C3orf49: variants seen among roughly 807,000 people sequenced by gnomAD.
The protein encoded by C3orf49 is putative uncharacterized protein C3orf49.
Under a neutral mutation model 13.3 loss-of-function variants are expected in C3orf49, and 27 were observed. The observed-to-expected ratio is 2.02, with a 90% CI of 1.49 to 2.79. The LOEUF is 2.79. Among genes scored for constraint, C3orf49 ranks in the 30% most tolerant of loss-of-function variants. The pLI is 0.00. For synonymous variants in C3orf49, 87 were observed against 47.6 expected (o/e 1.83, Z -3.40); for missense variants, 242 against 134.2 (o/e 1.80, Z -3.97).
chr3:63,812,345 T>C, the C3orf49 span, among the ~76,000 whole-genome samples: 1 of 152,202 alleles, frequency 6.6e-6, no homozygotes, highest in East Asian at 1.9e-4. Flanking sequence ...TGAATTTGTG[T>C]TGGACCACAT....
chr3:63,844,888 C>A (rs535639795), intron 5 of C3orf49, 135 bp from the exon 6 acceptor site: 31 of 511,080 alleles, frequency 6.1e-5, no homozygotes, highest in Non-Finnish European at 9.1e-5. Flanking sequence ...CAGAGTAAGA[C>A]GGAAAATTGT....
the C3orf49 span, among the ~76,000 whole-genome samples, chr3:63,807,203 G>A: frequency 6.6e-6 from 1 of 152,036 alleles, no homozygotes; most frequent in Non-Finnish European, 1.5e-5. Context: ...CACCTGCCTC[G>A]GCCTCCCAAA....
upstream of C3orf49, among the ~76,000 whole-genome samples, chr3:63,815,230 T>A (rs1701310540): frequency 6.6e-6 from 1 of 152,172 alleles, no homozygotes; most frequent in Non-Finnish European, 1.5e-5. Flanking sequence ...ATATCCAAAC[T>A]GTATCATCCC....
intron 5 of C3orf49, chr3:63,832,132 T>G (rs1701541832): frequency 3.5e-6 from 1 of 282,166 alleles, no homozygotes; most frequent in African/African-American, 2.2e-5. Context: ...AGGCAGAGGC[T>G]GCAGTGAGCC....
At chr3:63,780,126 G>T in the C3orf49 span, among the ~76,000 whole-genome samples, 17 of 152,186 alleles carry the variant, frequency 1.1e-4, no homozygotes, top group South Asian at 3.5e-3. Flanking sequence ...ATCTCCTAAT[G>T]CTATCCCTCC....
the C3orf49 span, among the ~76,000 whole-genome samples, chr3:63,790,015 G>A: frequency 0.055 from 8,432 of 152,054 alleles, 478 homozygotes; most frequent in African/African-American, 0.15. Flanking sequence ...ATCCTTCCTA[G>A]CACAAATCCT....
the C3orf49 span, among the ~76,000 whole-genome samples, chr3:63,797,221 C>T: frequency 6.6e-5 from 10 of 151,786 alleles, no homozygotes; most frequent in African/African-American, 2.2e-4. Context: ...TCAAGATTTT[C>T]TCTCTCTCTC....
At chr3:63,839,076 G>T (rs1015205667) in intron 5 of C3orf49, among the ~76,000 whole-genome samples, 2 of 152,060 alleles carry the variant, frequency 1.3e-5, no homozygotes, top group African/African-American at 4.8e-5. Flanking sequence ...TATAATCCCA[G>T]CTACTCAGGA....
chr3:63,830,789 T>C (rs1457597335), intron 3 of C3orf49, among the ~76,000 whole-genome samples: 1 of 152,216 alleles, frequency 6.6e-6, no homozygotes. Flanking sequence ...ACACTCTTAC[T>C]GTGCTCAGCA....
chr3:63,813,329 C>T, the C3orf49 span, among the ~76,000 whole-genome samples: 3,179 of 152,264 alleles, frequency 0.021, 64 homozygotes, highest in South Asian at 0.076. Flanking sequence ...AAATTGCTCT[C>T]CAAAGAGCTT....
chr3:63,835,360 C>G, intron 5 of C3orf49: 1 of 1,613,404 alleles, frequency 6.2e-7, no homozygotes, highest in South Asian at 1.1e-5. Flanking sequence ...GTGAAAGATG[C>G]TCTAATTCTT....
chr3:63,785,059 C>CTTTTTTTTTT, the C3orf49 span, among the ~76,000 whole-genome samples: 19 of 116,266 alleles, frequency 1.6e-4, no homozygotes, highest in South Asian at 2.1e-3. Context: ...GACTTCTCTT[C>CTTTTTTTTTT]TTCTTCTTTT....
upstream of C3orf49, among the ~76,000 whole-genome samples, chr3:63,818,171 C>T (rs186522213): frequency 2.0e-5 from 3 of 152,062 alleles, no homozygotes; most frequent in Admixed American, 1.3e-4. Context: ...CCTGCTGAAG[C>T]GGAATTTCTA....
chr3:63,816,420 G>A (rs61005895), upstream of C3orf49, among the ~76,000 whole-genome samples: 153 of 151,978 alleles, frequency 1.0e-3, no homozygotes, highest in East Asian at 2.7e-3. Flanking sequence ...GTGAAACCTC[G>A]TCTCTACTAA....
At position 63,823,207 on chromosome 3, in the gene C3orf49, A is replaced by G. The variant is rs773654364; in HGVS notation, c.126-43A>G. 5 of 620,568 alleles carry G rather than the reference A, an allele frequency of 8.1e-6. No individual in the cohort carries two copies. In the African/African-American group the frequency reaches 9.2e-5, roughly 11 times the overall value. 38.4% of individuals were successfully genotyped at this position (620,568 alleles called of 1,614,324 possible). A position where few individuals can be genotyped will look rare whatever the true frequency, so the allele number is the denominator to read the frequency against. On this transcript the variant is annotated intron_variant, in intron 1 of 6. Transcript: ENST00000295896. ...TAATGATTTAAATTTTTCACTTTTA[A>G]CTTTTCAGTTTCCCTAATATGAACC...
At chr3:63,824,439 C>A (rs534090482) in intron 2 of C3orf49, among the ~76,000 whole-genome samples, 1 of 152,180 alleles carries the variant, frequency 6.6e-6, no homozygotes, top group Non-Finnish European at 1.5e-5. Flanking sequence ...GAACTGTTAA[C>A]TTTAAGTCGT....
At chr3:63,825,445 T>C (rs541307254) in intron 2 of C3orf49, among the ~76,000 whole-genome samples, 1 of 152,366 alleles carries the variant, frequency 6.6e-6, no homozygotes, top group South Asian at 2.1e-4. Flanking sequence ...GAGCTGTATA[T>C]TTCTGTTGAA....
At chr3:63,824,716 C>T (rs945283819) in intron 2 of C3orf49, among the ~76,000 whole-genome samples, 3 of 151,476 alleles carry the variant, frequency 2.0e-5, no homozygotes, top group Non-Finnish European at 4.4e-5. Context: ...GGCATGTGCC[C>T]GTAGTCCCTA....
rs949007268 is a variant in C3orf49 at position 63,831,521 on chromosome 3, C to G, written c.685-159C>G. On this transcript the variant is annotated intron_variant, in intron 4 of 6. Coordinates refer to ENST00000295896, the MANE Select transcript of C3orf49 (RefSeq NM_001355236.2). ...TCACTGGGTGGTAAATGTATGCTTTCAAGCTCCATTTGCTATGACTTGAAT... is the reference window on the plus strand; with the variant it reads ...TCACTGGGTGGTAAATGTATGCTTTGAAGCTCCATTTGCTATGACTTGAAT... 2.6e-5 allele frequency among the ~76,000 whole-genome samples: 4 copies of G among 152,296 alleles called. No homozygotes were observed. In the South Asian group the frequency reaches 8.3e-4, roughly 32 times the overall value.
Sources: gnomAD v4.1 joint callset for allele counts (sites outside exome capture counted in the v4.1 genomes callset) on GRCh38, gnomAD v4.1.1 for gene constraint, MANE v1.5 for transcripts, NCBI Gene and HGNC (gene_info 2026-07-23, HGNC 2026-07-21) for gene names.